NRXN3: variants seen among roughly 807,000 people sequenced by gnomAD.
The protein encoded by NRXN3 is neurexin 3.
NRXN3 carries 32 observed loss-of-function variants against 137.6 expected under a neutral mutation model. That is an observed-to-expected ratio of 0.23 (90% CI 0.18 to 0.31). NRXN3 has a LOEUF of 0.31. NRXN3 is among the 10% of genes least tolerant of loss of function. NRXN3 has a pLI of 1.00. For synonymous variants in NRXN3, 798 were observed against 784.5 expected (o/e 1.02, Z -0.29); for missense variants, 1,574 against 2,062.5 (o/e 0.76, Z 4.59).
At chr14:79,546,039 G>A (rs775481576) in intron 16 of NRXN3, among the ~76,000 whole-genome samples, 1 of 152,108 alleles carries the variant, frequency 6.6e-6, no homozygotes, top group African/African-American at 2.4e-5. Flanking sequence ...CTCTGCACAA[G>A]CTCTCTTTGC....
intron 4 of NRXN3, among the ~76,000 whole-genome samples, chr14:78,342,664 C>T (rs1331333288): frequency 6.6e-6 from 1 of 152,120 alleles, no homozygotes; most frequent in Non-Finnish European, 1.5e-5. Flanking sequence ...CATTGGTGTT[C>T]AAATGCTTAA....
At chr14:78,300,692 G>A in intron 4 of NRXN3, 12 of 1,527,718 alleles carry the variant, frequency 7.9e-6, no homozygotes, top group Non-Finnish European at 1.1e-5. Flanking sequence ...AGAAGTAAAG[G>A]TAGAGCTCAC....
chr14:79,308,906 T>TTTAG (rs2086656643), intron 15 of NRXN3, among the ~76,000 whole-genome samples: 2 of 144,610 alleles, frequency 1.4e-5, no homozygotes, highest in African/African-American at 5.0e-5. Context: ...TTTTATTTTA[T>TTTAG]TTATTTATTT....
chr14:78,826,573 T>G (rs2098967439), intron 10 of NRXN3, among the ~76,000 whole-genome samples: 1 of 152,252 alleles, frequency 6.6e-6, no homozygotes, highest in Admixed American at 6.5e-5. Flanking sequence ...ACTGGTTGCA[T>G]ACCTTTGAAT....
intron 15 of NRXN3, among the ~76,000 whole-genome samples, chr14:79,001,930 G>A (rs1403926409): frequency 6.6e-6 from 1 of 152,160 alleles, no homozygotes; most frequent in Non-Finnish European, 1.5e-5. Context: ...AGAACCTTAT[G>A]TTAGAAATGT....
chr14:78,829,903 A>G (rs74065233), intron 10 of NRXN3, among the ~76,000 whole-genome samples: 6,158 of 152,198 alleles, frequency 0.04, 366 homozygotes, highest in African/African-American at 0.12. Flanking sequence ...CTTAAAAGAC[A>G]AGGTAGTTTT....
At chr14:78,587,530 G>A (rs767704162) in intron 4 of NRXN3, among the ~76,000 whole-genome samples, 1 of 152,144 alleles carries the variant, frequency 6.6e-6, no homozygotes, top group Non-Finnish European at 1.5e-5. Context: ...TCTTCCAGGC[G>A]ATTCTGATTA....
intron 15 of NRXN3, among the ~76,000 whole-genome samples, chr14:79,306,073 T>C (rs916608288): frequency 5.3e-5 from 8 of 152,134 alleles, no homozygotes; most frequent in Admixed American, 2.6e-4. Flanking sequence ...GAAATGAGCA[T>C]GTGTTGACCG....
intron 17 of NRXN3, among the ~76,000 whole-genome samples, chr14:79,681,201 T>G (rs1374329675): frequency 6.6e-6 from 1 of 152,126 alleles, no homozygotes; most frequent in African/African-American, 2.4e-5. Context: ...CCACACAAAC[T>G]CCTTTGAATC....
intron 2 of NRXN3, among the ~76,000 whole-genome samples, chr14:78,267,201 C>G (rs11624406): frequency 0.26 from 39,027 of 152,082 alleles, 5,825 homozygotes; most frequent in Non-Finnish European, 0.34. Context: ...ACAATTGATT[C>G]TTTTGATAAG....
At chr14:79,280,846 G>C (rs1029109218) in intron 15 of NRXN3, 3 of 318,706 alleles carry the variant, frequency 9.4e-6, no homozygotes, top group Admixed American at 9.0e-5. Flanking sequence ...CACCCCCACG[G>C]AGACAGGCAA....
chr14:78,855,909 G>A (rs1057201215), intron 10 of NRXN3, among the ~76,000 whole-genome samples: 3 of 152,086 alleles, frequency 2.0e-5, no homozygotes, highest in African/African-American at 7.2e-5. Context: ...TGTAAAAATG[G>A]AAGTGTCCCC....
intron 15 of NRXN3, among the ~76,000 whole-genome samples, chr14:79,150,996 G>A (rs1568437583): frequency 6.6e-6 from 1 of 152,026 alleles, no homozygotes; most frequent in Admixed American, 6.6e-5. Context: ...TTGTCTCCAT[G>A]AAAAGAGAAT....
intron 2 of NRXN3, among the ~76,000 whole-genome samples, chr14:78,269,064 C>T (rs1170903409): frequency 1.3e-5 from 2 of 152,198 alleles, no homozygotes; most frequent in Non-Finnish European, 2.9e-5. Flanking sequence ...TTTGTGGCCT[C>T]ATTCAAACCT....
intron 4 of NRXN3, among the ~76,000 whole-genome samples, chr14:78,557,015 T>C: frequency 8.5e-6 from 1 of 117,266 alleles, no homozygotes; most frequent in African/African-American, 3.3e-5. Flanking sequence ...CTCTTCCCTC[T>C]CTCCTCCCCT....
chr14:78,457,644 C>A (rs549308690), intron 4 of NRXN3, among the ~76,000 whole-genome samples: 1 of 152,296 alleles, frequency 6.6e-6, no homozygotes, highest in South Asian at 2.1e-4. Flanking sequence ...TCTGAGACTG[C>A]AGCCTACTTG....
At chr14:78,227,838 A>G (rs1454780630) in intron 1 of NRXN3, among the ~76,000 whole-genome samples, 1 of 152,202 alleles carries the variant, frequency 6.6e-6, no homozygotes, top group East Asian at 1.9e-4. Context: ...TTGGCCAGGA[A>G]AACTGGGATG....
chr14:79,324,450 T>C (rs1251675358), intron 15 of NRXN3, among the ~76,000 whole-genome samples: 2 of 152,198 alleles, frequency 1.3e-5, no homozygotes, highest in Non-Finnish European at 2.9e-5. Flanking sequence ...GGTATTGACA[T>C]AGAGATTCCA....
chr14:79,326,706 C>T (rs1284980984), intron 15 of NRXN3, among the ~76,000 whole-genome samples: 4 of 152,166 alleles, frequency 2.6e-5, no homozygotes, highest in African/African-American at 9.6e-5. Context: ...TCTGTGTTTG[C>T]TTTGAGAGAA....
Sources: allele counts gnomAD v4.1 joint callset (sites outside exome capture counted in the v4.1 genomes callset), GRCh38; gene constraint gnomAD v4.1.1; transcripts MANE v1.5; gene names NCBI Gene and HGNC (gene_info 2026-07-23, HGNC 2026-07-21).